The following DLEU7 variants were observed in gnomAD, a reference collection of about 807,000 sequenced individuals.
DLEU7 encodes deleted in lymphocytic leukemia 7.
A neutral mutation model predicts 16.0 loss-of-function variants in DLEU7; 17 were observed. The ratio of observed to expected loss-of-function variants is 1.06; its 90% CI spans 0.73 to 1.59. The LOEUF (loss-of-function observed/expected upper bound fraction) is 1.59, where lower values mean the gene tolerates loss of function less well. Ranked by LOEUF, DLEU7 falls within the 40% of genes most tolerant of loss-of-function variation. The pLI, the probability that DLEU7 is intolerant of heterozygous loss-of-function variation, is 0.00. For missense variants in DLEU7, 308 were observed against 314.9 expected (o/e 0.98, Z 0.17); for synonymous variants, 113 against 139.8 (o/e 0.81, Z 1.35).
chr13:50,718,855 T>C (rs2137704207), intron 1 of DLEU7, among the ~76,000 whole-genome samples: 1 of 152,330 alleles, frequency 6.6e-6, no homozygotes, highest in Middle Eastern at 3.4e-3. Context: ...CTTTCCCTAA[T>C]TGTGCACAAG....
intron 1 of DLEU7, among the ~76,000 whole-genome samples, chr13:50,717,780 C>T (rs1450632758): frequency 1.3e-5 from 2 of 152,168 alleles, no homozygotes; most frequent in African/African-American, 4.8e-5. Flanking sequence ...CAGCCAGACA[C>T]TATGTCTCCC....
chr13:50,749,484 C>T (rs1399852663), intron 1 of DLEU7, among the ~76,000 whole-genome samples: 1 of 152,108 alleles, frequency 6.6e-6, no homozygotes, highest in East Asian at 1.9e-4. Flanking sequence ...AATGGAAGTT[C>T]TACTTTTACT....
At chr13:50,729,238 G>A (rs2137714664) in intron 1 of DLEU7, among the ~76,000 whole-genome samples, 1 of 152,192 alleles carries the variant, frequency 6.6e-6, no homozygotes, top group African/African-American at 2.4e-5. Context: ...ATGTCTATGT[G>A]TACTCAAGTG....
intron 1 of DLEU7, among the ~76,000 whole-genome samples, chr13:50,804,940 TC>T (rs1179811037): frequency 6.6e-6 from 1 of 152,132 alleles, no homozygotes; most frequent in Non-Finnish European, 1.5e-5. Flanking sequence ...ATATTTTTTT[TC>T]AGTTGGCTCA....
chr13:50,832,397 A>G (rs942133810), intron 1 of DLEU7, among the ~76,000 whole-genome samples: 2 of 152,032 alleles, frequency 1.3e-5, no homozygotes, highest in African/African-American at 4.8e-5. Context: ...TAATCTGGCT[A>G]GCAGTCTATT....
intron 1 of DLEU7, among the ~76,000 whole-genome samples, chr13:50,805,928 T>C (rs1876377459): frequency 6.6e-6 from 1 of 152,228 alleles, no homozygotes; most frequent in South Asian, 2.1e-4. Flanking sequence ...TTGATAGTTA[T>C]GGCAGAGACC....
At chr13:50,751,295 G>A (rs2137734271) in intron 1 of DLEU7, among the ~76,000 whole-genome samples, 1 of 152,228 alleles carries the variant, frequency 6.6e-6, no homozygotes, top group South Asian at 2.1e-4. Flanking sequence ...TGATCGTGGT[G>A]GATTATCTTT....
chr13:50,753,000 C>G (rs1316986804), intron 1 of DLEU7, among the ~76,000 whole-genome samples: 1 of 152,150 alleles, frequency 6.6e-6, no homozygotes, highest in Non-Finnish European at 1.5e-5. Flanking sequence ...AAAGGTTCTC[C>G]TCGTCCCCAC....
chr13:50,749,903 C>T (rs1204015146), intron 1 of DLEU7, among the ~76,000 whole-genome samples: 1 of 152,004 alleles, frequency 6.6e-6, no homozygotes. Context: ...TTTACTCTGA[C>T]TGTTCCTTTT....
At chr13:50,734,386 C>T (rs2137719476) in intron 1 of DLEU7, among the ~76,000 whole-genome samples, 2 of 152,170 alleles carry the variant, frequency 1.3e-5, no homozygotes, top group Middle Eastern at 6.8e-3. Context: ...CTCTGAGTAA[C>T]CTAATTTTAC....
intron 1 of DLEU7, among the ~76,000 whole-genome samples, chr13:50,761,831 G>A (rs1271652469): frequency 2.6e-5 from 4 of 152,152 alleles, no homozygotes; most frequent in Non-Finnish European, 4.4e-5. Context: ...AAGCTGACCT[G>A]TTATTCTAAT....
intron 1 of DLEU7, among the ~76,000 whole-genome samples, chr13:50,829,482 C>T (rs1026316644): frequency 2.0e-5 from 3 of 152,094 alleles, no homozygotes; most frequent in African/African-American, 7.2e-5. Context: ...ACTAAAATGC[C>T]TTTAAAAATA....
intron 1 of DLEU7, among the ~76,000 whole-genome samples, chr13:50,788,169 T>C (rs1264223880): frequency 6.6e-6 from 1 of 152,170 alleles, no homozygotes; most frequent in Admixed American, 6.5e-5. Context: ...GCAGGCTCTG[T>C]CCCCAGCCTT....
intron 1 of DLEU7, among the ~76,000 whole-genome samples, chr13:50,751,203 T>A (rs1275372050): frequency 6.6e-6 from 1 of 152,242 alleles, no homozygotes; most frequent in African/African-American, 2.4e-5. Flanking sequence ...GATTTTTGTT[T>A]TTAATTCTGT....
intron 1 of DLEU7, among the ~76,000 whole-genome samples, chr13:50,789,911 C>T (rs980465744): frequency 2.7e-5 from 4 of 150,868 alleles, no homozygotes; most frequent in Non-Finnish European, 4.4e-5. Context: ...CCCAGAGCCA[C>T]CTTTTTTCTC....
intron 1 of DLEU7, among the ~76,000 whole-genome samples, chr13:50,753,367 C>T (rs1261078271): frequency 6.6e-6 from 1 of 152,164 alleles, no homozygotes; most frequent in Non-Finnish European, 1.5e-5. Flanking sequence ...GGGCGGCGCT[C>T]GTTGGGGAGG....
chr13:50,797,318 A>G (rs574451444), intron 1 of DLEU7, among the ~76,000 whole-genome samples: 11 of 152,332 alleles, frequency 7.2e-5, no homozygotes, highest in African/African-American at 2.6e-4. Context: ...GGAGTACGAC[A>G]TAAGGGAGGA....
At chr13:50,809,156 C>G (rs942282015) in intron 1 of DLEU7, among the ~76,000 whole-genome samples, 1 of 152,126 alleles carries the variant, frequency 6.6e-6, no homozygotes, top group East Asian at 1.9e-4. Flanking sequence ...CACCAACCGG[C>G]AGCCCCATAG....
intron 1 of DLEU7, among the ~76,000 whole-genome samples, chr13:50,837,370 T>C (rs1394204582): frequency 6.6e-6 from 1 of 152,224 alleles, no homozygotes; most frequent in Admixed American, 6.5e-5. Context: ...GTTTTAGGCC[T>C]TTCCTGAAGT....
Sources: allele counts gnomAD v4.1 joint callset (sites outside exome capture counted in the v4.1 genomes callset), GRCh38; gene constraint gnomAD v4.1.1; transcripts MANE v1.5; gene names NCBI Gene and HGNC (gene_info 2026-07-23, HGNC 2026-07-21).